The following EMILIN2 variants were observed in gnomAD, a reference collection of about 807,000 sequenced individuals.
The protein encoded by EMILIN2 is EMILIN-2.
In EMILIN2, 71 loss-of-function variants were observed where a neutral mutation model predicts 87.1. The ratio of observed to expected loss-of-function variants is 0.82; its 90% CI spans 0.67 to 0.99. The LOEUF (loss-of-function observed/expected upper bound fraction) is 0.99, where lower values mean the gene tolerates loss of function less well. Ranked by LOEUF, EMILIN2 falls within the 50% of genes least tolerant of loss-of-function variation. The probability of loss-of-function intolerance (pLI) is 0.00; values close to 1 mark genes in which losing one functional copy is unlikely to be tolerated. For synonymous variants in EMILIN2, 581 were observed against 563.4 expected, an observed-to-expected ratio of 1.03 and a Z score of -0.44; for missense variants, 1,407 against 1,371.8, an observed-to-expected ratio of 1.03 and a Z score of -0.40.
In EMILIN2 at chr18:2,894,433, A is replaced by C. The variant is rs1242593309; in HGVS notation, c.2359+1947A>C. 1.3e-5 allele frequency among the ~76,000 whole-genome samples: 2 copies of C among 152,152 alleles called. No individual in the cohort carries two copies. The highest frequency in any genetic ancestry group is 4.8e-5 in the African/African-American group (2 of 41,420). ...CACTCCAGGGCCACTCAGCTCCTCT[A>C]TCTCTGGAATGTTGAGTAGAGGTCA... On this transcript the variant is annotated intron_variant, in intron 4 of 7. Transcript: ENST00000254528. This position sits in a 1 kb window ranked among gnomAD's most constrained non-coding sequence, Gnocchi z 5.0.
chr18:2,850,885 C>A (rs143200251), intron 2 of EMILIN2, among the ~76,000 whole-genome samples: 1 of 152,020 alleles, frequency 6.6e-6, no homozygotes, highest in East Asian at 1.9e-4. Flanking sequence ...GGAGGAAACC[C>A]CATCTTAGAG....
intron 2 of EMILIN2, among the ~76,000 whole-genome samples, chr18:2,867,511 T>G (rs2076692616): frequency 6.6e-6 from 1 of 152,152 alleles, no homozygotes. Context: ...TCCGCAGTGT[T>G]TGTGTCCCTG....
At position 2,884,982 on chromosome 18, in the gene EMILIN2, A is replaced by G. The variant is rs1399041906; in HGVS notation, c.276A>G (p.Arg92=). The change falls in exon 3 of 8, where the codon AGA becomes AGG. Residue 92 remains arginine (R), a synonymous_variant. Coordinates refer to ENST00000254528, the MANE Select transcript of EMILIN2 (RefSeq NM_032048.3). The part of the protein sequence containing the change: ...PSALVYRVNF[R]PRYVTRYKTV... ...TCCACAGGTATCGAGTGAACTTCAG[A>G]CCTAGATATGTCACTAGGTATAAGA... is the stretch of plus-strand genomic sequence containing the variant. 3 of 1,606,560 alleles carry G rather than the reference A, an allele frequency of 1.9e-6. No individual in the cohort carries two copies. In the East Asian group the frequency reaches 6.7e-5, roughly 36 times the overall value.
intron 2 of EMILIN2, among the ~76,000 whole-genome samples, chr18:2,861,982 T>G (rs1363842420): frequency 6.6e-6 from 1 of 152,336 alleles, no homozygotes; most frequent in African/African-American, 2.4e-5. Flanking sequence ...GGTATTTTAT[T>G]CTCTTTGAAG....
Position 2,891,932 on chromosome 18 carries a change from AG to A in EMILIN2, c.1806del (p.Lys603AsnfsTer13), listed in dbSNP as rs1206124709. On this transcript the variant is annotated frameshift_variant, in exon 4 of 8. Transcript: ENST00000254528. LOFTEE classifies it high-confidence loss of function. The surrounding 1 kb of genome is among the most constrained non-coding windows in gnomAD (Gnocchi z 4.6). ...TTTCAAGAAACCGAACAAACCATCC[AG>A]AAACTTCAACAGGATTTTAGTTTTC... Reference protein sequence around the residue: ...RKFQETEQTIQKLQQDFSFLY... With the variant: ...RKFQETEQTIXKLQQDFSFLY... The A allele has an allele frequency of 6.2e-7, 1 of 1,614,108 alleles. No individual in the cohort carries two copies. The highest frequency in any genetic ancestry group is 8.5e-7 in the Non-Finnish European group (1 of 1,180,056).
At chr18:2,868,182 G>T (rs574501250) in intron 2 of EMILIN2, among the ~76,000 whole-genome samples, 186 of 151,970 alleles carry the variant, frequency 1.2e-3, no homozygotes, top group African/African-American at 4.3e-3. Context: ...GGGCAGAGAC[G>T]CTCCTCACAT....
At chr18:2,869,296 T>A (rs962944881) in intron 2 of EMILIN2, among the ~76,000 whole-genome samples, 1 of 151,420 alleles carries the variant, frequency 6.6e-6, no homozygotes, top group African/African-American at 2.4e-5. Context: ...AAAAAAAGCT[T>A]AATTGAAGTA....
chr18:2,908,720 C>T lies in EMILIN2; in HGVS notation c.2663-223C>T, dbSNP rs138493859. ...CAGCTTGCCCTCAGTGCCCTCTTCC[C>T]CGCCAGGGATAAATGGGCTAGTGAG... On this transcript the variant is annotated intron_variant, in intron 5 of 7. Coordinates refer to ENST00000254528, the MANE Select transcript of EMILIN2 (RefSeq NM_032048.3). Among the ~76,000 whole-genome samples the T allele has an allele frequency of 3.4e-4, 52 of 152,286 alleles. No homozygotes were observed. In the East Asian group the frequency reaches 8.1e-3, roughly 24 times the overall value.
intron 2 of EMILIN2, among the ~76,000 whole-genome samples, chr18:2,861,365 G>C (rs58871386): frequency 2.3e-3 from 350 of 152,236 alleles, no homozygotes; most frequent in African/African-American, 7.9e-3. Context: ...TATGGTTTTA[G>C]GTCTAACATT....
At chr18:2,871,206 T>C (rs1227647259) in intron 2 of EMILIN2, among the ~76,000 whole-genome samples, 1 of 152,170 alleles carries the variant, frequency 6.6e-6, no homozygotes, top group African/African-American at 2.4e-5. Context: ...AGGAGGGTCA[T>C]GAATGCTTTC....
At chr18:2,874,072 G>A (rs1008296592) in intron 2 of EMILIN2, among the ~76,000 whole-genome samples, 3 of 152,078 alleles carry the variant, frequency 2.0e-5, no homozygotes, top group African/African-American at 7.2e-5. Flanking sequence ...AACCTTAAAA[G>A]TCCGTTGGCC....
chr18:2,847,026 G>A lies in EMILIN2; in HGVS notation c.-163G>A. ...GCTGCAGAAGGAGAAGTAGGAACGA[G>A]AAGCCGGAGGGGGCGGCCGCGGAGC... On this transcript the variant is annotated 5_prime_UTR_variant, in exon 1 of 8. Transcript: ENST00000254528. The surrounding 1 kb of genome is among the most constrained non-coding windows in gnomAD (Gnocchi z 4.5). The A allele has an allele frequency of 9.5e-7, 1 of 1,052,602 alleles. No homozygotes were observed. The highest frequency in any genetic ancestry group is 1.2e-6 in the Non-Finnish European group (1 of 867,844). 65.2% of individuals were successfully genotyped at this position (1,052,602 alleles called of 1,614,324 possible). A position where few individuals can be genotyped will look rare whatever the true frequency, so the allele number is the denominator to read the frequency against.
rs117114580 is a variant in EMILIN2 at position 2,888,329 on chromosome 18, C to T, written c.434-2232C>T. 5.1e-3 allele frequency among the ~76,000 whole-genome samples: 780 copies of T among 152,292 alleles called. 6 individuals carry two copies. The highest frequency in any genetic ancestry group is 0.013 in the South Asian group (65 of 4,832). ...CATTTCCTTACATCCTCAATCTTCC[C>T]CCCTTTGCCGCCCTTTGTTTTTATT... On this transcript the variant is annotated intron_variant, in intron 3 of 7. Coordinates refer to ENST00000254528, the MANE Select transcript of EMILIN2 (RefSeq NM_032048.3).
At chr18:2,906,013 G>A (rs2076910083) in intron 4 of EMILIN2, among the ~76,000 whole-genome samples, 1 of 152,158 alleles carries the variant, frequency 6.6e-6, no homozygotes. Flanking sequence ...CAAATGTGTT[G>A]CGCTTTGGAA....
At chr18:2,872,519 G>T (rs759661850) in intron 2 of EMILIN2, among the ~76,000 whole-genome samples, 1 of 152,164 alleles carries the variant, frequency 6.6e-6, no homozygotes, top group Non-Finnish European at 1.5e-5. Flanking sequence ...ACCATGCCTG[G>T]ACTGAAAATG....
chr18:2,910,544 G>A (rs1330224897), intron 7 of EMILIN2, among the ~76,000 whole-genome samples: 1 of 152,156 alleles, frequency 6.6e-6, no homozygotes, highest in Non-Finnish European at 1.5e-5. Flanking sequence ...CCAGGCAGGT[G>A]TGGGGAGGTC....
At chr18:2,887,650 G>C (rs2076809687) in intron 3 of EMILIN2, among the ~76,000 whole-genome samples, 3 of 152,084 alleles carry the variant, frequency 2.0e-5, no homozygotes, top group Admixed American at 1.3e-4. Flanking sequence ...AGAAGCAGTT[G>C]CTGACACCAT....
intron 2 of EMILIN2, among the ~76,000 whole-genome samples, chr18:2,881,993 AG>A (rs2076779031): frequency 6.6e-6 from 1 of 152,140 alleles, no homozygotes; most frequent in South Asian, 2.1e-4. Flanking sequence ...GAACATCTCC[AG>A]GTGGGGCCGC....
rs370099821 is a variant in EMILIN2, at chr18:2,914,746, A to G, written c.*1342A>G. On this transcript the variant is annotated 3_prime_UTR_variant, in exon 8 of 8. Transcript: ENST00000254528. ...TGCTTTAAGAATTGTTTGCAAATGA[A>G]TTTACAGGGTGGCCACTGGACACTT... The G allele has an allele frequency of 1.4e-5, 2 of 147,834 alleles. No homozygotes were observed. Among genetic ancestry groups the G allele is most frequent in the East Asian group, 4.1e-4 (2 of 4,820 alleles). The allele number at this position is 147,834 out of a possible 1,614,324, so 9.2% of individuals were successfully genotyped here.
Sources: gnomAD v4.1 joint callset for allele counts (sites outside exome capture counted in the v4.1 genomes callset) on GRCh38, gnomAD v4.1.1 for gene constraint, Gnocchi (gnomAD v3.1) non-coding constraint, MANE v1.5 for transcripts, NCBI Gene and HGNC (gene_info 2026-07-23, HGNC 2026-07-21) for gene names.